The following FLCN variants were observed in gnomAD, a reference collection of about 807,000 sequenced individuals.
FLCN encodes the protein folliculin.
Under a neutral mutation model 62.5 loss-of-function variants are expected in FLCN, and 22 were observed. The ratio of observed to expected loss-of-function variants is 0.35; its 90% confidence interval spans 0.25 to 0.50. FLCN has a LOEUF of 0.50. Among genes scored for constraint, FLCN ranks in the 20% least tolerant of loss-of-function variants. The pLI is 0.97. For synonymous variants in FLCN, 319 were observed against 310.0 expected (o/e 1.03, Z -0.30); for missense variants, 657 against 778.0 (o/e 0.84, Z 1.85).
Position 17,227,957 on chromosome 17 carries a change from G to C in FLCN, c.181C>G (p.His61Asp), listed in dbSNP as rs758156813. 1.9e-6 allele frequency: 3 copies of C among 1,614,062 alleles called. No individual in the cohort carries two copies. The highest frequency in any genetic ancestry group is 2.7e-5 in the African/African-American group (2 of 74,954). ...ACGCTGGCCCCCTCTGCGGGGCTGT[G>C]CGCACGCATCCGACTGTTCATCTGA... ...GIQMNSRMRA[H>D]SPAEGASVES... Residue 61 changes from histidine to aspartate, a missense_variant, in exon 4 of 14, where the codon CAC (histidine) becomes GAC (aspartate). His to Asp is a moderately conservative substitution (Grantham distance 81, BLOSUM62 -1). Transcript: ENST00000285071.
intron 9 of FLCN, 77 bp downstream of exon 9, chr17:17,218,942 G>A: frequency 1.3e-6 from 2 of 1,535,734 alleles, no homozygotes; most frequent in Admixed American, 1.8e-5. Flanking sequence ...GGGTCCAGAG[G>A]CAAGGCGTGT....
chr17:17,219,263 C>A, intron 8 of FLCN, 54 bp from the exon 9 acceptor site: 1 of 1,574,406 alleles, frequency 6.4e-7, no homozygotes, highest in South Asian at 1.1e-5. Context: ...CATCCTGTGA[C>A]TTCAGCCCAA....
intron 5 of FLCN, chr17:17,224,526 T>A: frequency 2.7e-6 from 1 of 371,124 alleles, no homozygotes; most frequent in East Asian, 5.1e-5. Flanking sequence ...AATCCGCACA[T>A]TTTATTCTTT....
At chr17:17,232,372 C>T (rs764207048) in intron 2 of FLCN, among the ~76,000 whole-genome samples, 3 of 152,272 alleles carry the variant, frequency 2.0e-5, no homozygotes, top group Non-Finnish European at 4.4e-5. Context: ...GCCACATTCA[C>T]GTGTTAGATA....
chr17:17,233,314 C>G (rs2047475923), intron 1 of FLCN, among the ~76,000 whole-genome samples: 1 of 151,952 alleles, frequency 6.6e-6, no homozygotes, highest in South Asian at 2.1e-4. Flanking sequence ...AAAAATTAGC[C>G]AGGCCGGGCG....
chr17:17,214,722 C>T (rs138830872), intron 13 of FLCN, among the ~76,000 whole-genome samples: 16 of 152,210 alleles, frequency 1.1e-4, no homozygotes, highest in Non-Finnish European at 1.5e-4. Flanking sequence ...CTCCTGTGAG[C>T]TTGGAGCCCT....
At position 17,219,221 on chromosome 17, in the gene FLCN, A is replaced by T. The variant is rs760504886; in HGVS notation, c.872-12T>A. 1 of 1,613,362 alleles carries T rather than the reference A, an allele frequency of 6.2e-7. No individual in the cohort carries two copies. Among genetic ancestry groups the T allele is most frequent in the Non-Finnish European group, 8.5e-7 (1 of 1,179,952 alleles). On this transcript the variant is annotated splice_polypyrimidine_tract_variant and intron_variant, in intron 8 of 13. Coordinates refer to ENST00000285071, the MANE Select transcript of FLCN (RefSeq NM_144997.7). Reference sequence around the variant, plus strand: ...TTCCTCTTCTAAATCTGCAAGACAGATGACAAGGACAGTTACAGATACAAA... The same window carrying T: ...TTCCTCTTCTAAATCTGCAAGACAGTTGACAAGGACAGTTACAGATACAAA...
At position 17,227,755 on chromosome 17, in the gene FLCN, A is replaced by G. The variant is rs1415890195; in HGVS notation, c.249+134T>C. ...CAAAACAAAAGCTACAGTCAGGATGAGCGGAAAGAACTGAAGGGCCCCTGA... is the reference window on the plus strand; with the variant it reads ...CAAAACAAAAGCTACAGTCAGGATGGGCGGAAAGAACTGAAGGGCCCCTGA... On this transcript the variant is annotated intron_variant, in intron 4 of 13. Coordinates refer to ENST00000285071, the MANE Select transcript of FLCN (RefSeq NM_144997.7). 4 of 1,234,830 alleles carry G rather than the reference A, an allele frequency of 3.2e-6. No individual in the cohort carries two copies. In the East Asian group the frequency reaches 7.1e-5, roughly 22 times the overall value. The allele number at this position is 1,234,830 out of a possible 1,614,324, so 76.5% of individuals were successfully genotyped here.
chr17:17,222,421 C>T lies in FLCN; in HGVS notation c.779+80G>A, dbSNP rs1413788537. The T allele has an allele frequency of 3.9e-5, 62 of 1,598,020 alleles. No homozygotes were observed. The East Asian group carries it at 1.4e-3, about 36-fold the overall frequency. The stretch of plus-strand genomic sequence containing the variant: ...GCAAACACGGCTAAGGACTGTTCTC[C>T]CAAATCCATGGACAAGCCAACCAAT... On this transcript the variant is annotated intron_variant, in intron 7 of 13. Transcript: ENST00000285071.
chr17:17,215,806 T>A (rs931586861), intron 11 of FLCN, among the ~76,000 whole-genome samples: 3 of 152,098 alleles, frequency 2.0e-5, no homozygotes, highest in Non-Finnish European at 2.9e-5. Flanking sequence ...ACTCGGACCA[T>A]GAGTCAGCAG....
chr17:17,231,110 G>C (rs1484990020), intron 3 of FLCN, among the ~76,000 whole-genome samples: 1 of 152,192 alleles, frequency 6.6e-6, no homozygotes, highest in Non-Finnish European at 1.5e-5. Flanking sequence ...TGAGGCGGGA[G>C]AATTGCTTGA....
Position 17,213,768 on chromosome 17 carries a change from C to T in FLCN, c.1627G>A (p.Glu543Lys), listed in dbSNP as rs776389684. 7.4e-6 allele frequency: 12 copies of T among 1,614,104 alleles called. No homozygotes were observed. The highest frequency in any genetic ancestry group is 2.7e-5 in the African/African-American group (2 of 74,940). The change falls in exon 14 of 14, where the codon GAG becomes AAG. Residue 543 changes from glutamate to lysine, a missense_variant. Coordinates refer to ENST00000285071, the MANE Select transcript of FLCN (RefSeq NM_144997.7). ...TTCAGCAGCTTGACATTGTCCTCCTCGGACGCACCCAGGATGCTCAGCAGC... is the reference window on the plus strand; with the variant it reads ...TTCAGCAGCTTGACATTGTCCTCCTTGGACGCACCCAGGATGCTCAGCAGC... The part of the protein sequence containing the change: ...QKLLSILGAS[E>K]EDNVKLLKFW...
At position 17,217,112 on chromosome 17, in the gene FLCN, C is replaced by G; in HGVS notation, c.1133G>C (p.Ser378Thr). 6.2e-7 allele frequency: 1 copy of G among 1,614,116 alleles called. No individual in the cohort carries two copies. The highest frequency in any genetic ancestry group is 1.1e-5 in the South Asian group (1 of 91,082). ...VLMGNQVIWK[S>T]RDVDLVQSAF... ...TGACTGGACGAGGTCCACGTCTCTGCTTTTCCAGATCACCTGGTTCCCCAT... is the reference window on the plus strand; with the variant it reads ...TGACTGGACGAGGTCCACGTCTCTGGTTTTCCAGATCACCTGGTTCCCCAT... Residue 378 changes from serine (S) to threonine (T), a missense_variant, in exon 10 of 14, where the codon AGC (serine) becomes ACC (threonine). Coordinates refer to ENST00000285071, the MANE Select transcript of FLCN (RefSeq NM_144997.7).
At chr17:17,225,608 A>G (rs2145001945) in intron 5 of FLCN, 1 of 168,752 alleles carries the variant, frequency 5.9e-6, no homozygotes, top group South Asian at 1.4e-4. Context: ...GCTACTCAGG[A>G]TAGCTGAGAC....
rs768840850 is a variant in FLCN at position 17,221,505 on chromosome 17, C to T, written c.871+32G>A. ...TGGTACCGCCCCACGGCCATCCGGG[C>T]CAAGGCCCCGGCAACAGCACCCCTG... On this transcript the variant is annotated intron_variant, in intron 8 of 13. Transcript: ENST00000285071. 116 of 1,613,786 alleles carry T rather than the reference C, an allele frequency of 7.2e-5. No individual in the cohort carries two copies. The highest frequency in any genetic ancestry group is 1.5e-5 in the Non-Finnish European group (18 of 1,180,036).
chr17:17,227,345 G>A (rs1180355419), intron 4 of FLCN, among the ~76,000 whole-genome samples: 1 of 151,958 alleles, frequency 6.6e-6, no homozygotes, highest in East Asian at 1.9e-4. Context: ...GGACTTTGGG[G>A]ACCCGCCTCC....
chr17:17,227,288 C>T (rs1276134533), intron 4 of FLCN, among the ~76,000 whole-genome samples: 4 of 151,150 alleles, frequency 2.6e-5, no homozygotes, highest in Admixed American at 1.3e-4. Flanking sequence ...AGTGACCCAC[C>T]GAGAACACTG....
In FLCN at chr17:17,216,648, C is replaced by T; in HGVS notation, c.1177-145G>A. The T allele has an allele frequency of 3.0e-6, 4 of 1,342,350 alleles. No individual in the cohort carries two copies. The highest frequency in any genetic ancestry group is 4.1e-6 in the Non-Finnish European group (4 of 978,506). The allele number at this position is 1,342,350 out of a possible 1,614,324, so 83.2% of individuals were successfully genotyped here. A position where few individuals can be genotyped will look rare whatever the true frequency, so the allele number is the denominator to read the frequency against. The stretch of plus-strand genomic sequence containing the variant: ...CCAGAGGAGTCCCCAGACTCTCAGC[C>T]CACAGTGGGGGTGAGGGGGGAGGGT... On this transcript the variant is annotated intron_variant, in intron 10 of 13. Coordinates refer to ENST00000285071, the MANE Select transcript of FLCN (RefSeq NM_144997.7). The surrounding 1 kb of genome is among the most constrained non-coding windows in gnomAD (Gnocchi z 4.0).
rs779913370 is a variant in FLCN, at chr17:17,217,095, C to T, written c.1150G>A (p.Val384Ile). 14 of 1,613,672 alleles carry T rather than the reference C, an allele frequency of 8.7e-6. No homozygotes were observed. Among genetic ancestry groups the T allele is most frequent in the Non-Finnish European group, 1.1e-5 (13 of 1,179,620 alleles). ...CGAAGTACTTCAAAAGCTGACTGGA[C>T]GAGGTCCACGTCTCTGCTTTTCCAG... The part of the protein sequence containing the change: ...VIWKSRDVDL[V>I]QSAFEVLRTM... The change falls in exon 10 of 14, where the codon GTC becomes ATC. Residue 384 changes from valine (V) to isoleucine (I), a missense_variant. Transcript: ENST00000285071.
Sources: gnomAD v4.1 joint callset for allele counts (sites outside exome capture counted in the v4.1 genomes callset) on GRCh38, gnomAD v4.1.1 for gene constraint, Gnocchi (gnomAD v3.1) non-coding constraint, MANE v1.5 for transcripts, NCBI Gene and HGNC (gene_info 2026-07-23, HGNC 2026-07-21) for gene names.